LAMA2: variants seen among roughly 807,000 people sequenced by gnomAD.
LAMA2 encodes laminin subunit alpha-2.
In LAMA2, 269 loss-of-function variants were observed where a neutral mutation model predicts 364.8. The ratio of observed to expected loss-of-function variants is 0.74; its 90% CI spans 0.67 to 0.82. LAMA2 has a LOEUF of 0.82. Among genes scored for constraint, LAMA2 ranks in the 40% least tolerant of loss-of-function variants. The pLI, the probability that LAMA2 is intolerant of heterozygous loss-of-function variation, is 0.00. For missense variants in LAMA2, 3,807 were observed against 3,873.2 expected (o/e 0.98, Z 0.45); for synonymous variants, 1,379 against 1,370.6 (o/e 1.01, Z -0.14).
intron 1 of LAMA2, among the ~76,000 whole-genome samples, chr6:128,939,876 C>T (rs1780052240): frequency 6.6e-6 from 1 of 152,106 alleles, no homozygotes; most frequent in South Asian, 2.1e-4. Context: ...TGAGTAAGCC[C>T]CACCATTGCC....
intron 3 of LAMA2, among the ~76,000 whole-genome samples, chr6:129,091,150 G>A (rs1774800798): frequency 6.6e-6 from 1 of 152,110 alleles, no homozygotes; most frequent in African/African-American, 2.4e-5. Context: ...TAGGGACATT[G>A]AAAATAAGTC....
chr6:129,392,445 A>T (rs1420372764), intron 36 of LAMA2, among the ~76,000 whole-genome samples: 4 of 152,172 alleles, frequency 2.6e-5, no homozygotes, highest in Admixed American at 2.6e-4. Context: ...CCTTCAGGGG[A>T]TTATGAGGCA....
At chr6:129,487,171 T>C (rs1395983005) in intron 56 of LAMA2, among the ~76,000 whole-genome samples, 1 of 152,140 alleles carries the variant, frequency 6.6e-6, no homozygotes, top group African/African-American at 2.4e-5. Flanking sequence ...GGGAACAGAA[T>C]CAAGGGAGGG....
intron 1 of LAMA2, among the ~76,000 whole-genome samples, chr6:128,933,820 C>T (rs1159491578): frequency 6.6e-6 from 1 of 151,968 alleles, no homozygotes; most frequent in African/African-American, 2.4e-5. Flanking sequence ...GTATGAATTC[C>T]TTATATATTT....
chr6:128,926,588 T>C (rs1379802790), intron 1 of LAMA2, among the ~76,000 whole-genome samples: 1 of 152,208 alleles, frequency 6.6e-6, no homozygotes, highest in Non-Finnish European at 1.5e-5. Context: ...AGAATAACAG[T>C]TAAATATTCC....
intron 17 of LAMA2, among the ~76,000 whole-genome samples, chr6:129,275,804 C>A (rs1368932168): frequency 6.7e-6 from 1 of 150,252 alleles, no homozygotes; most frequent in Non-Finnish European, 1.5e-5. Context: ...TGCTTTCATA[C>A]TTTTTCAGTA....
At chr6:128,968,051 G>T (rs1322911074) in intron 1 of LAMA2, among the ~76,000 whole-genome samples, 1 of 152,112 alleles carries the variant, frequency 6.6e-6, no homozygotes, top group Non-Finnish European at 1.5e-5. Context: ...TCCTTCTACA[G>T]ATCAAAATGC....
intron 55 of LAMA2, among the ~76,000 whole-genome samples, chr6:129,482,261 T>C (rs1273365506): frequency 6.6e-6 from 1 of 152,174 alleles, no homozygotes; most frequent in Non-Finnish European, 1.5e-5. Flanking sequence ...AGTGAGACTC[T>C]GTCTCAAAAC....
At chr6:128,961,688 C>T (rs9482964) in intron 1 of LAMA2, among the ~76,000 whole-genome samples, 1 of 151,680 alleles carries the variant, frequency 6.6e-6, no homozygotes, top group Non-Finnish European at 1.5e-5. Flanking sequence ...GGTGGGTCTG[C>T]CTTTCCCAGC....
intron 12 of LAMA2, among the ~76,000 whole-genome samples, chr6:129,224,340 T>C (rs1296160268): frequency 6.6e-6 from 1 of 152,138 alleles, no homozygotes; most frequent in East Asian, 1.9e-4. Flanking sequence ...CCTTCATTAC[T>C]TTCTCCTGCC....
Position 129,219,929 on chromosome 6 carries a change from T to C in LAMA2, c.1782+27076T>C, listed in dbSNP as rs575219547. On this transcript the variant is annotated intron_variant, in intron 12 of 64. Coordinates refer to ENST00000421865, the MANE Select transcript of LAMA2 (RefSeq NM_000426.4). ...GCACATGTATACATATGTAACTAAC[T>C]GGCACATGGTGCACATGTACCCTAA... Among the ~76,000 whole-genome samples the C allele has an allele frequency of 3.5e-3, 527 of 151,090 alleles. 5 individuals carry two copies. The highest frequency in any genetic ancestry group is 0.012 in the African/African-American group (506 of 40,840).
chr6:128,910,923 G>T (rs1777882277), intron 1 of LAMA2, among the ~76,000 whole-genome samples: 1 of 151,614 alleles, frequency 6.6e-6, no homozygotes, highest in East Asian at 1.9e-4. Context: ...GCCCCTGCTG[G>T]GGGGTGCCTC....
rs866507067 is a variant in LAMA2, at chr6:129,211,717, A to G, written c.1782+18864A>G. Reference sequence around the variant, plus strand: ...CATTTAAGCATTGAATTCTATAGGAAATGTTTCTAATCACCCTATCCCCCA... The same window carrying G: ...CATTTAAGCATTGAATTCTATAGGAGATGTTTCTAATCACCCTATCCCCCA... On this transcript the variant is annotated intron_variant, in intron 12 of 64. Transcript: ENST00000421865. Among the ~76,000 whole-genome samples the G allele has an allele frequency of 3.3e-5, 5 of 152,276 alleles. 1 individual carries two copies. In the Middle Eastern group the frequency reaches 0.01, roughly 311 times the overall value.
chr6:129,497,140 T>C (rs2114871951), intron 58 of LAMA2, among the ~76,000 whole-genome samples: 1 of 152,362 alleles, frequency 6.6e-6, no homozygotes. Context: ...AACCCTTTTA[T>C]TGGTTTGATA....
intron 12 of LAMA2, among the ~76,000 whole-genome samples, chr6:129,211,588 T>A (rs1783103959): frequency 6.6e-6 from 1 of 152,220 alleles, no homozygotes; most frequent in Non-Finnish European, 1.5e-5. Context: ...CCGTGGTAAG[T>A]GTTCAATGCT....
At chr6:129,112,751 A>T (rs972882039) in intron 4 of LAMA2, among the ~76,000 whole-genome samples, 1 of 151,670 alleles carries the variant, frequency 6.6e-6, no homozygotes, top group Non-Finnish European at 1.5e-5. Context: ...AACTGTAGTG[A>T]CTTGTCTAGG....
intron 3 of LAMA2, among the ~76,000 whole-genome samples, chr6:129,063,324 C>T (rs1178759282): frequency 1.3e-5 from 2 of 152,034 alleles, no homozygotes; most frequent in African/African-American, 4.8e-5. Flanking sequence ...TTAAAGGAGA[C>T]AGTAATAGGG....
At chr6:129,086,739 C>T (rs1283561685) in intron 3 of LAMA2, among the ~76,000 whole-genome samples, 1 of 152,180 alleles carries the variant, frequency 6.6e-6, no homozygotes, top group Non-Finnish European at 1.5e-5. Flanking sequence ...AACTTAATGG[C>T]TTAAAACCTC....
chr6:129,143,030 T>C (rs1778222758), intron 4 of LAMA2, among the ~76,000 whole-genome samples: 2 of 152,026 alleles, frequency 1.3e-5, no homozygotes, highest in South Asian at 2.1e-4. Context: ...CAGTACCTTT[T>C]ATTTTGTCAC....
Sources: allele counts gnomAD v4.1 joint callset (sites outside exome capture counted in the v4.1 genomes callset), GRCh38; gene constraint gnomAD v4.1.1; transcripts MANE v1.5; gene names NCBI Gene and HGNC (gene_info 2026-07-23, HGNC 2026-07-21).